Variants in LGR6 observed in about 807,000 individuals in gnomAD.
LGR6 encodes leucine-rich repeat-containing G protein-coupled receptor 6.
In LGR6, 45 loss-of-function variants were observed where a neutral mutation model predicts 69.4. That is an observed-to-expected ratio of 0.65 (90% confidence interval 0.51 to 0.83). LGR6 has a LOEUF of 0.83. Ranked by LOEUF, LGR6 falls within the 40% of genes least tolerant of loss-of-function variation. LGR6 has a pLI of 0.00. For missense variants in LGR6, 1,108 were observed against 1,246.7 expected (o/e 0.89, Z 1.68); for synonymous variants, 538 against 555.0 (o/e 0.97, Z 0.43).
intron 4 of LGR6, among the ~76,000 whole-genome samples, chr1:202,251,014 C>T (rs1427033095): frequency 6.6e-6 from 1 of 152,200 alleles, no homozygotes; most frequent in Non-Finnish European, 1.5e-5. Flanking sequence ...AAGGGCCCTG[C>T]CCGCTCTCTG....
intron 12 of LGR6, 138 bp from the exon 13 acceptor site, chr1:202,306,730 A>G: frequency 1.3e-6 from 1 of 788,230 alleles, no homozygotes; most frequent in Non-Finnish European, 2.2e-6. Flanking sequence ...AATTCTGGTG[A>G]CTTCCTCGGG....
chr1:202,244,456 C>T (rs1389296859), intron 4 of LGR6, among the ~76,000 whole-genome samples: 1 of 152,188 alleles, frequency 6.6e-6, no homozygotes, highest in African/African-American at 2.4e-5. Flanking sequence ...AAGGTGTCAG[C>T]AGAGCTGCGC....
chr1:202,295,870 A>AGTGTGTGTGTGTGTGT (rs10522809), intron 6 of LGR6, among the ~76,000 whole-genome samples: 11 of 143,944 alleles, frequency 7.6e-5, no homozygotes, highest in Non-Finnish European at 1.1e-4. Context: ...TTGGGTAATT[A>AGTGTGTGTGTGTGTGT]GTGTGTGTGT....
At chr1:202,225,612 A>T in intron 2 of LGR6, 118 bp downstream of exon 2, 1 of 787,432 alleles carries the variant, frequency 1.3e-6, no homozygotes, top group South Asian at 1.7e-5. Flanking sequence ...AAGCTAAGAC[A>T]GTTCTTGACA....
chr1:202,194,372 G>A (rs965316541), intron 1 of LGR6, among the ~76,000 whole-genome samples, 171 bp downstream of exon 1: 1 of 152,168 alleles, frequency 6.6e-6, no homozygotes, highest in African/African-American at 2.4e-5. Flanking sequence ...AGAAGAGTCT[G>A]AGACTAAATA....
intron 6 of LGR6, among the ~76,000 whole-genome samples, chr1:202,282,486 G>A (rs1306194203): frequency 1.3e-5 from 2 of 152,178 alleles, no homozygotes; most frequent in East Asian, 1.9e-4. Flanking sequence ...AATCCTAGAT[G>A]TAAGAGATGG....
At chr1:202,313,152 A>G (rs541528491) in intron 16 of LGR6, among the ~76,000 whole-genome samples, 110 of 151,910 alleles carry the variant, frequency 7.2e-4, no homozygotes, top group African/African-American at 2.6e-3. Context: ...GCGTGAACCC[A>G]GGAGGCAGAG....
chr1:202,248,913 C>T (rs900259931), intron 4 of LGR6, among the ~76,000 whole-genome samples: 10 of 152,130 alleles, frequency 6.6e-5, no homozygotes, highest in African/African-American at 2.2e-4. Context: ...GTGACCCTGG[C>T]CCCCTCCCTA....
intron 10 of LGR6, among the ~76,000 whole-genome samples, chr1:202,303,553 G>A (rs2148271847): frequency 6.6e-6 from 1 of 152,334 alleles, no homozygotes; most frequent in South Asian, 2.1e-4. Context: ...GCAGTGAGGA[G>A]GCTGGTCTTT....
intron 4 of LGR6, among the ~76,000 whole-genome samples, chr1:202,266,889 C>G (rs927374651): frequency 2.3e-5 from 3 of 129,552 alleles, no homozygotes; most frequent in African/African-American, 7.7e-5. Flanking sequence ...CTCTTTTCCT[C>G]TCTCTCTAAC....
intron 5 of LGR6, among the ~76,000 whole-genome samples, chr1:202,279,532 A>G (rs1034553421): frequency 1.3e-5 from 2 of 152,232 alleles, no homozygotes; most frequent in Admixed American, 6.5e-5. Context: ...GATATGTCAC[A>G]GTATGGAATA....
At chr1:202,247,223 T>A (rs1454514427) in intron 4 of LGR6, among the ~76,000 whole-genome samples, 1 of 152,242 alleles carries the variant, frequency 6.6e-6, no homozygotes, top group East Asian at 1.9e-4. Context: ...CCACTCAAAG[T>A]GAGCTTCATT....
chr1:202,278,453 C>T (rs1481089036), intron 5 of LGR6, among the ~76,000 whole-genome samples: 1 of 152,028 alleles, frequency 6.6e-6, no homozygotes, highest in Non-Finnish European at 1.5e-5. Flanking sequence ...CAAGGAGGGA[C>T]AAGGGACTAA....
intron 6 of LGR6, among the ~76,000 whole-genome samples, chr1:202,281,760 C>T (rs1416162215): frequency 6.6e-6 from 1 of 151,930 alleles, no homozygotes; most frequent in Admixed American, 6.6e-5. Context: ...ACTTGCTCCA[C>T]CTTGCCCTCC....
At chr1:202,197,529 G>C (rs1358875510) in intron 1 of LGR6, 1 of 516,706 alleles carries the variant, frequency 1.9e-6, no homozygotes, top group South Asian at 1.5e-5. Context: ...GACCAAGAGG[G>C]AGATGGAGCC....
rs375066995 is a variant in LGR6 at position 202,268,456 on chromosome 1, CTT to C, written c.429-7838_429-7837del. ...AGAATAACCATTTCCATAGTGGCTG[CTT>C]TTTTTTTTTTTAACTTTTAATATCC... On this transcript the variant is annotated intron_variant, in intron 4 of 17. Coordinates refer to ENST00000367278, the MANE Select transcript of LGR6 (RefSeq NM_001017403.2). This position sits in a 1 kb window ranked among gnomAD's most constrained non-coding sequence, Gnocchi z 4.4. Among the ~76,000 whole-genome samples, 28 of 145,342 alleles carry C rather than the reference CTT, an allele frequency of 1.9e-4. No homozygotes were observed. Among genetic ancestry groups the C allele is most frequent in the African/African-American group, 4.5e-4 (18 of 39,808 alleles).
At chr1:202,277,177 C>A (rs527921145) in intron 5 of LGR6, among the ~76,000 whole-genome samples, 1 of 152,288 alleles carries the variant, frequency 6.6e-6, no homozygotes, top group African/African-American at 2.4e-5. Context: ...CTTTGGGTTA[C>A]ACACTAATTG....
rs1665126223 is a variant in LGR6 at position 202,271,808 on chromosome 1, C to CTGTCTCA, written c.429-4498_429-4497insTGTCTCA. Among the ~76,000 whole-genome samples the CTGTCTCA allele has an allele frequency of 3.4e-5, 3 of 88,452 alleles. No individual in the cohort carries two copies. The Admixed American group carries it at 3.7e-4, about 11-fold the overall frequency. 58.0% of individuals were successfully genotyped at this position (88,452 alleles called of 152,430 possible). A position where few individuals can be genotyped will look rare whatever the true frequency, so the allele number is the denominator to read the frequency against. ...GGGCAATAAGAGTGAAACTCTGTCTCAAAAAAAAAAAAAAAAAAAAAGAGA... is the reference window on the plus strand; with the variant it reads ...GGGCAATAAGAGTGAAACTCTGTCTCTGTCTCAAAAAAAAAAAAAAAAAAAAAAGAGA... On this transcript the variant is annotated intron_variant, in intron 4 of 17. Coordinates refer to ENST00000367278, the MANE Select transcript of LGR6 (RefSeq NM_001017403.2).
rs1384325957 is a variant in LGR6 at position 202,235,991 on chromosome 1, G to A, written c.426G>A (p.Ser142=). 1.5e-5 allele frequency: 24 copies of A among 1,613,344 alleles called. No homozygotes were observed. Among genetic ancestry groups the A allele is most frequent in the Non-Finnish European group, 1.8e-5 (21 of 1,179,716 alleles). ...EALWELPSLQ[S]LRLDANLISL... ...TGTGGGAGCTGCCGAGCCTGCAGTC[G>A]CTGTGAGTCATTAGAGGGCTGGTCT... The change falls in exon 4 of 18, where the codon TCG becomes TCA. Residue 142 remains serine (S), a splice_region_variant and synonymous_variant. Transcript: ENST00000367278.
Sources: allele counts gnomAD v4.1 joint callset (sites outside exome capture counted in the v4.1 genomes callset), GRCh38; gene constraint gnomAD v4.1.1; non-coding constraint Gnocchi (gnomAD v3.1); transcripts MANE v1.5; gene names NCBI Gene and HGNC (gene_info 2026-07-23, HGNC 2026-07-21).